The following CRISPLD2 variants were observed in gnomAD, a reference collection of about 807,000 sequenced individuals.
CRISPLD2 encodes cysteine-rich secretory protein LCCL domain-containing 2.
In CRISPLD2, 47 loss-of-function variants were observed where a neutral mutation model predicts 71.1. That is an observed-to-expected ratio of 0.66 (90% CI 0.52 to 0.84). The LOEUF (loss-of-function observed/expected upper bound fraction) is 0.84, where lower values mean the gene tolerates loss of function less well. Among genes scored for constraint, CRISPLD2 ranks in the 40% least tolerant of loss-of-function variants. The probability of loss-of-function intolerance (pLI) is 0.00; values close to 1 mark genes in which losing one functional copy is unlikely to be tolerated. For synonymous variants in CRISPLD2, 317 were observed against 250.1 expected, an observed-to-expected ratio of 1.27 and a Z score of -2.52; for missense variants, 830 against 651.1, an observed-to-expected ratio of 1.27 and a Z score of -2.99.
intron 1 of CRISPLD2, among the ~76,000 whole-genome samples, chr16:84,830,143 T>G (rs1916452605): frequency 6.6e-6 from 1 of 151,818 alleles, no homozygotes; most frequent in African/African-American, 2.4e-5. Flanking sequence ...GGCAACATAG[T>G]GAAACCCCTT....
At chr16:84,903,382 C>T (rs2071772528) in intron 14 of CRISPLD2, among the ~76,000 whole-genome samples, 1 of 151,936 alleles carries the variant, frequency 6.6e-6, no homozygotes, top group Non-Finnish European at 1.5e-5. Flanking sequence ...TGAGACCAGC[C>T]CGGCCAAGAG....
At chr16:84,903,058 G>A (rs113301408) in intron 14 of CRISPLD2, among the ~76,000 whole-genome samples, 2,038 of 151,860 alleles carry the variant, frequency 0.013, 44 homozygotes, top group African/African-American at 0.047. Flanking sequence ...ATGATCCACC[G>A]TGCCTGGCCT....
intron 14 of CRISPLD2, among the ~76,000 whole-genome samples, chr16:84,893,465 C>T (rs887695031): frequency 6.6e-5 from 10 of 152,306 alleles, no homozygotes; most frequent in East Asian, 3.9e-4. Context: ...ATCCTTCCAA[C>T]GCTCACTCCA....
intron 1 of CRISPLD2, among the ~76,000 whole-genome samples, chr16:84,836,609 C>T (rs911110816): frequency 6.6e-6 from 1 of 152,160 alleles, no homozygotes; most frequent in African/African-American, 2.4e-5. Context: ...GGAATGGGAA[C>T]CACAGCATTC....
Position 84,854,811 on chromosome 16 carries a change from A to G in CRISPLD2, c.691A>G (p.Asn231Asp). Reference sequence around the variant, plus strand: ...ACCCAGCTATGGAGGCAGCTGCAGGAACAACTTGTGTTACCGAGGTAGGAA... The same window carrying G: ...ACCCAGCTATGGAGGCAGCTGCAGGGACAACTTGTGTTACCGAGGTAGGAA... ...CPPSYGGSCR[N>D]NLCYREETYT... Residue 231 changes from asparagine (N) to aspartate (D), a missense_variant, in exon 6 of 15, where the codon AAC becomes GAC. Coordinates refer to ENST00000262424, the MANE Select transcript of CRISPLD2 (RefSeq NM_031476.4). 6.2e-7 allele frequency: 1 copy of G among 1,614,016 alleles called. No homozygotes were observed. The highest frequency in any genetic ancestry group is 8.5e-7 in the Non-Finnish European group (1 of 1,179,908).
At chr16:84,866,131 GT>G (rs1448822419) in intron 6 of CRISPLD2, among the ~76,000 whole-genome samples, 1 of 152,170 alleles carries the variant, frequency 6.6e-6, no homozygotes, top group Non-Finnish European at 1.5e-5. Flanking sequence ...GCACCGTGAT[GT>G]GTGCATGATG....
At chr16:84,832,635 C>G (rs980205816) in intron 1 of CRISPLD2, among the ~76,000 whole-genome samples, 1 of 152,268 alleles carries the variant, frequency 6.6e-6, no homozygotes, top group African/African-American at 2.4e-5. Context: ...AGGAATTCAT[C>G]TCCCTGGCCT....
chr16:84,847,619 C>T (rs1916951378), intron 3 of CRISPLD2, among the ~76,000 whole-genome samples: 1 of 151,744 alleles, frequency 6.6e-6, no homozygotes, highest in African/African-American at 2.4e-5. Context: ...CCATTGTACT[C>T]CAGCCTGGGT....
At chr16:84,840,906 T>G (rs535790649) in intron 2 of CRISPLD2, among the ~76,000 whole-genome samples, 1 of 152,302 alleles carries the variant, frequency 6.6e-6, no homozygotes, top group Admixed American at 6.5e-5. Context: ...TACCTGATAT[T>G]TAATCAACTG....
intron 8 of CRISPLD2, among the ~76,000 whole-genome samples, chr16:84,871,006 C>T (rs867377998): frequency 2.0e-4 from 31 of 152,184 alleles, no homozygotes; most frequent in African/African-American, 6.3e-4. Flanking sequence ...TGCAATGAGC[C>T]GAGGTGTACT....
At chr16:84,878,178 C>T (rs1238534963) in intron 12 of CRISPLD2, among the ~76,000 whole-genome samples, 1 of 152,004 alleles carries the variant, frequency 6.6e-6, no homozygotes, top group Admixed American at 6.5e-5. Context: ...GAGCCGAGAT[C>T]GCACCACTGC....
chr16:84,839,327 AG>A (rs1414643438), intron 2 of CRISPLD2: 1 of 255,010 alleles, frequency 3.9e-6, no homozygotes, highest in African/African-American at 2.3e-5. Flanking sequence ...CAGAGTGGGG[AG>A]GGGCCCAGGG....
chr16:84,820,086 G>C lies in CRISPLD2; in HGVS notation c.-122G>C, dbSNP rs1446981498. ...CGCTGTCGCCGCTGCTACCGCGTCT[G>C]CTGGACGCGGGAGACGCCAGCGAGC... On this transcript the variant is annotated 5_prime_UTR_variant, in exon 1 of 15. Transcript: ENST00000262424. The C allele has an allele frequency of 6.6e-6, 1 of 152,374 alleles. No homozygotes were observed. The highest frequency in any genetic ancestry group is 1.9e-4 in the East Asian group (1 of 5,194). The allele number at this position is 152,374 out of a possible 1,614,324, so 9.4% of individuals were successfully genotyped here.
chr16:84,905,142 C>T (rs1471241125), intron 14 of CRISPLD2, among the ~76,000 whole-genome samples: 1 of 152,012 alleles, frequency 6.6e-6, no homozygotes, highest in African/African-American at 2.4e-5. Context: ...ATCAATCAGG[C>T]TTGGTGACAT....
chr16:84,885,227 A>C (rs1252755460), intron 13 of CRISPLD2, among the ~76,000 whole-genome samples: 2 of 151,986 alleles, frequency 1.3e-5, no homozygotes, highest in Non-Finnish European at 2.9e-5. Flanking sequence ...CGGAAAGAAC[A>C]ATGAGCTTAA....
intron 6 of CRISPLD2, among the ~76,000 whole-genome samples, chr16:84,863,871 C>T (rs1329149945): frequency 1.3e-5 from 2 of 149,428 alleles, no homozygotes; most frequent in Admixed American, 6.7e-5. Flanking sequence ...GTAGGAGAAT[C>T]GCTTGAACCC....
At chr16:84,901,094 A>C (rs1270828282) in intron 14 of CRISPLD2, among the ~76,000 whole-genome samples, 2 of 152,112 alleles carry the variant, frequency 1.3e-5, no homozygotes, top group African/African-American at 4.8e-5. Context: ...ATAGGGATCC[A>C]GTTAAATATA....
chr16:84,897,648 G>A (rs998056163), intron 14 of CRISPLD2, among the ~76,000 whole-genome samples: 4 of 151,986 alleles, frequency 2.6e-5, no homozygotes, highest in East Asian at 1.9e-4. Flanking sequence ...TCAGAGTTTC[G>A]CTGTTTTGCC....
intron 11 of CRISPLD2, among the ~76,000 whole-genome samples, chr16:84,875,097 C>G (rs2071506231): frequency 6.6e-6 from 1 of 152,050 alleles, no homozygotes; most frequent in Admixed American, 6.6e-5. Context: ...ACAAAATTAG[C>G]TGGGCAGGGT....
Sources: gnomAD v4.1 joint callset for allele counts (sites outside exome capture counted in the v4.1 genomes callset) on GRCh38, gnomAD v4.1.1 for gene constraint, MANE v1.5 for transcripts, NCBI Gene and HGNC (gene_info 2026-07-23, HGNC 2026-07-21) for gene names.